The following EXOC4 variants were observed in gnomAD, a reference collection of about 807,000 sequenced individuals.
EXOC4 encodes SEC8-like 1.
EXOC4 carries 71 observed loss-of-function variants against 107.2 expected under a neutral mutation model. The observed-to-expected ratio is 0.66, with a 90% CI of 0.55 to 0.81. The LOEUF (loss-of-function observed/expected upper bound fraction) is 0.81, where lower values mean the gene tolerates loss of function less well. Among genes scored for constraint, EXOC4 ranks in the 30% least tolerant of loss-of-function variants. EXOC4 has a pLI of 0.00. For synonymous variants in EXOC4, 456 were observed against 441.2 expected (o/e 1.03, Z -0.42); for missense variants, 1,108 against 1,189.6 (o/e 0.93, Z 1.01).
chr7:133,600,665 AAAATAAAT>A (rs570150368), intron 9 of EXOC4, among the ~76,000 whole-genome samples: 4 of 152,266 alleles, frequency 2.6e-5, no homozygotes, highest in African/African-American at 9.6e-5. Flanking sequence ...AAAGAAAAGC[AAAATAAAT>A]AAATAAATAA....
intron 10 of EXOC4, among the ~76,000 whole-genome samples, chr7:133,677,076 A>G (rs1562903441): frequency 6.6e-6 from 1 of 151,964 alleles, no homozygotes; most frequent in Non-Finnish European, 1.5e-5. Flanking sequence ...TCTTATCCTT[A>G]CAAGGTATTA....
intron 10 of EXOC4, among the ~76,000 whole-genome samples, chr7:133,665,054 A>G (rs1451559211): frequency 6.6e-6 from 1 of 152,206 alleles, no homozygotes; most frequent in African/African-American, 2.4e-5. Context: ...CCAACCTGGT[A>G]TAGTTCATTC....
At chr7:133,449,790 G>C (rs1798300225) in intron 7 of EXOC4, among the ~76,000 whole-genome samples, 1 of 150,894 alleles carries the variant, frequency 6.6e-6, no homozygotes, top group Admixed American at 6.6e-5. Context: ...TACTTGGATT[G>C]AATCCCTGTT....
chr7:133,971,976 A>G (rs748304908), intron 14 of EXOC4, among the ~76,000 whole-genome samples: 3 of 149,394 alleles, frequency 2.0e-5, no homozygotes, highest in African/African-American at 5.0e-5. Flanking sequence ...CAAGGAAGCT[A>G]TGAAGTTATT....
chr7:133,749,902 CTTGT>C (rs1795755175), intron 10 of EXOC4, among the ~76,000 whole-genome samples: 1 of 146,330 alleles, frequency 6.8e-6, no homozygotes, highest in Admixed American at 6.9e-5. Flanking sequence ...AACCCTAACA[CTTGT>C]TTAAGATATT....
At chr7:133,858,909 C>G (rs1034279483) in intron 11 of EXOC4, among the ~76,000 whole-genome samples, 1 of 152,132 alleles carries the variant, frequency 6.6e-6, no homozygotes, top group African/African-American at 2.4e-5. Context: ...AGATGCATTT[C>G]AAATTCCAGG....
chr7:133,327,703 GT>G (rs1250951232), intron 5 of EXOC4, among the ~76,000 whole-genome samples: 1 of 152,138 alleles, frequency 6.6e-6, no homozygotes, highest in African/African-American at 2.4e-5. Context: ...TTACCCAGTA[GT>G]TATTCAGGAG....
chr7:133,292,399 G>A (rs1794428019), intron 3 of EXOC4, among the ~76,000 whole-genome samples: 1 of 152,040 alleles, frequency 6.6e-6, no homozygotes, highest in South Asian at 2.1e-4. Context: ...AATATATATA[G>A]TCCTTAGAGG....
intron 9 of EXOC4, among the ~76,000 whole-genome samples, chr7:133,587,548 T>C (rs1184145479): frequency 6.6e-6 from 1 of 152,214 alleles, no homozygotes; most frequent in Non-Finnish European, 1.5e-5. Context: ...ACATCATTTG[T>C]CTTTTATAAA....
chr7:133,283,460 T>TA (rs1304494306), intron 2 of EXOC4, among the ~76,000 whole-genome samples: 1 of 152,242 alleles, frequency 6.6e-6, no homozygotes, highest in Non-Finnish European at 1.5e-5. Flanking sequence ...GATGGACACT[T>TA]ACGCTGCAGT....
At chr7:133,797,583 G>A (rs188345548) in intron 10 of EXOC4, among the ~76,000 whole-genome samples, 1 of 152,346 alleles carries the variant, frequency 6.6e-6, no homozygotes, top group Non-Finnish European at 1.5e-5. Flanking sequence ...GGGTTTGGAA[G>A]CAGAACTGGG....
At chr7:133,386,914 C>T (rs1796739810) in intron 7 of EXOC4, among the ~76,000 whole-genome samples, 1 of 152,042 alleles carries the variant, frequency 6.6e-6, no homozygotes, top group East Asian at 1.9e-4. Flanking sequence ...AGAAGTCAGA[C>T]AGTGCACTAT....
the EXOC4 span, among the ~76,000 whole-genome samples, chr7:134,092,750 C>T: frequency 6.6e-6 from 1 of 151,814 alleles, no homozygotes; most frequent in African/African-American, 2.4e-5. Flanking sequence ...TGGTGAAACC[C>T]CATCTCTACT....
At chr7:133,292,270 C>T (rs1171539852) in intron 3 of EXOC4, among the ~76,000 whole-genome samples, 2 of 152,116 alleles carry the variant, frequency 1.3e-5, no homozygotes, top group African/African-American at 4.8e-5. Context: ...CTTGAACCTT[C>T]AATAGCTAAT....
At chr7:133,769,191 T>C (rs1052936875) in intron 10 of EXOC4, among the ~76,000 whole-genome samples, 3 of 152,014 alleles carry the variant, frequency 2.0e-5, no homozygotes, top group Non-Finnish European at 2.9e-5. Flanking sequence ...GTTTCCACCA[T>C]GGCACACGTA....
chr7:133,549,280 C>T (rs540344139), intron 9 of EXOC4, among the ~76,000 whole-genome samples: 11 of 152,334 alleles, frequency 7.2e-5, no homozygotes, highest in African/African-American at 2.4e-4. Context: ...GCATGAGCAA[C>T]CACGCCCGTC....
intron 5 of EXOC4, among the ~76,000 whole-genome samples, chr7:133,325,979 T>C (rs183882860): frequency 1.3e-5 from 2 of 152,366 alleles, no homozygotes; most frequent in African/African-American, 4.8e-5. Context: ...CATTCACTGA[T>C]ACCTCTTCTT....
At chr7:133,338,165 T>G (rs1459912536) in intron 5 of EXOC4, among the ~76,000 whole-genome samples, 1 of 152,162 alleles carries the variant, frequency 6.6e-6, no homozygotes, top group Admixed American at 6.5e-5. Flanking sequence ...TCGAGCTAGA[T>G]ATTTAAATCA....
At chr7:133,459,167 G>A (rs1025764798) in intron 7 of EXOC4, among the ~76,000 whole-genome samples, 1 of 152,166 alleles carries the variant, frequency 6.6e-6, no homozygotes, top group Non-Finnish European at 1.5e-5. Context: ...AACATGGTTG[G>A]TATTTAAATA....
Sources: allele counts gnomAD v4.1 joint callset (sites outside exome capture counted in the v4.1 genomes callset), GRCh38; gene constraint gnomAD v4.1.1; transcripts MANE v1.5; gene names NCBI Gene and HGNC (gene_info 2026-07-23, HGNC 2026-07-21).